Variants in GRIN2A observed in about 807,000 individuals in gnomAD.
GRIN2A encodes glutamate ionotropic receptor NMDA type subunit 2A.
GRIN2A carries 22 observed loss-of-function variants against 113.4 expected under a neutral mutation model. The ratio of observed to expected loss-of-function variants is 0.19; its 90% CI spans 0.14 to 0.28. GRIN2A has a LOEUF of 0.28. Ranked by LOEUF, GRIN2A falls within the 10% of genes least tolerant of loss-of-function variation. The pLI is 1.00. For missense variants in GRIN2A, 1,502 were observed against 1,887.0 expected (o/e 0.80, Z 3.78); for synonymous variants, 827 against 738.4 (o/e 1.12, Z -1.94).
intron 2 of GRIN2A, among the ~76,000 whole-genome samples, chr16:9,987,915 T>G (rs7188895): frequency 0.58 from 87,769 of 152,002 alleles, 25,788 homozygotes; most frequent in African/African-American, 0.65. Context: ...ACCCAGGAGA[T>G]AAATCCAAAG....
intron 2 of GRIN2A, among the ~76,000 whole-genome samples, chr16:10,023,961 G>C (rs887525081): frequency 6.6e-6 from 1 of 152,174 alleles, no homozygotes; most frequent in African/African-American, 2.4e-5. Context: ...CCCATAAACT[G>C]TCATTGTGCC....
Position 9,784,040 on chromosome 16 carries a change from G to A in GRIN2A, c.2356+14237C>T, listed in dbSNP as rs139180694. On this transcript the variant is annotated intron_variant, in intron 11 of 12. Coordinates refer to ENST00000330684, the MANE Select transcript of GRIN2A (RefSeq NM_001134407.3). Reference sequence around the variant, plus strand: ...TGGGTACTGGGCTTAATACCTGGGTGATGAAATAATCTGTACAACAAACCC... The same window carrying A: ...TGGGTACTGGGCTTAATACCTGGGTAATGAAATAATCTGTACAACAAACCC... Among the ~76,000 whole-genome samples the A allele has an allele frequency of 6.2e-3, 942 of 152,252 alleles. 4 individuals carry two copies. The highest frequency in any genetic ancestry group is 9.9e-3 in the Non-Finnish European group (672 of 68,014).
intron 11 of GRIN2A, among the ~76,000 whole-genome samples, chr16:9,777,387 C>T (rs1259065671): frequency 6.6e-6 from 1 of 152,104 alleles, no homozygotes; most frequent in East Asian, 1.9e-4. Flanking sequence ...AACTATTTGC[C>T]GAAGTGAAAA....
At chr16:10,135,740 T>C (rs1032902614) in intron 2 of GRIN2A, among the ~76,000 whole-genome samples, 4 of 152,110 alleles carry the variant, frequency 2.6e-5, no homozygotes, top group African/African-American at 9.7e-5. Context: ...TCTCCTCAGG[T>C]GGAATTTACT....
intron 3 of GRIN2A, among the ~76,000 whole-genome samples, chr16:9,928,815 A>C (rs571899512): frequency 6.6e-6 from 1 of 152,298 alleles, no homozygotes; most frequent in South Asian, 2.1e-4. Flanking sequence ...CCAAAGCCAA[A>C]ACTTGACTTG....
At chr16:9,853,940 G>T (rs888581415) in intron 4 of GRIN2A, among the ~76,000 whole-genome samples, 2 of 151,876 alleles carry the variant, frequency 1.3e-5, no homozygotes, top group Non-Finnish European at 2.9e-5. Context: ...AACATCATTT[G>T]CTTCACAATA....
intron 2 of GRIN2A, among the ~76,000 whole-genome samples, chr16:10,096,539 A>AAACACACACACACAC (rs367870878): frequency 7.3e-6 from 1 of 137,670 alleles, no homozygotes. Context: ...ATTGTGGTAA[A>AAACACACACACACAC]ACACACACAC....
intron 4 of GRIN2A, among the ~76,000 whole-genome samples, chr16:9,856,368 C>T (rs1244136173): frequency 6.6e-6 from 1 of 152,086 alleles, no homozygotes; most frequent in Non-Finnish European, 1.5e-5. Flanking sequence ...CGCCTGTAAT[C>T]CCAGCACTTT....
chr16:10,056,866 A>C (rs1402015947), intron 2 of GRIN2A, among the ~76,000 whole-genome samples: 2 of 152,196 alleles, frequency 1.3e-5, no homozygotes, highest in African/African-American at 4.8e-5. Context: ...ACTGTGATAT[A>C]ATAAATTCCT....
At chr16:9,896,094 G>C (rs536908731) in intron 3 of GRIN2A, among the ~76,000 whole-genome samples, 23 of 151,986 alleles carry the variant, frequency 1.5e-4, no homozygotes, top group African/African-American at 5.3e-4. Flanking sequence ...CTGCCACCCA[G>C]GATGGAGTGC....
At chr16:9,796,788 A>T (rs2141225542) in intron 11 of GRIN2A, among the ~76,000 whole-genome samples, 1 of 152,258 alleles carries the variant, frequency 6.6e-6, no homozygotes, top group East Asian at 1.9e-4. Context: ...GAGCTTCTCC[A>T]CTCAACCTGC....
intron 2 of GRIN2A, among the ~76,000 whole-genome samples, chr16:10,177,627 C>G (rs1353029330): frequency 2.6e-5 from 4 of 152,194 alleles, no homozygotes; most frequent in East Asian, 1.9e-4. Flanking sequence ...TCTCTTCTTA[C>G]TCTTAAGTGA....
At chr16:9,908,197 G>A (rs1482670079) in intron 3 of GRIN2A, among the ~76,000 whole-genome samples, 2 of 152,070 alleles carry the variant, frequency 1.3e-5, no homozygotes, top group African/African-American at 4.8e-5. Flanking sequence ...TGGATTTCTG[G>A]TGTGGAAATG....
intron 2 of GRIN2A, among the ~76,000 whole-genome samples, chr16:10,082,052 C>T (rs2047995477): frequency 6.6e-6 from 1 of 152,166 alleles, no homozygotes; most frequent in African/African-American, 2.4e-5. Context: ...AAATCAGCTC[C>T]AAGCAAATCC....
chr16:9,843,799 C>G (rs1369925905), intron 5 of GRIN2A, among the ~76,000 whole-genome samples: 1 of 152,186 alleles, frequency 6.6e-6, no homozygotes, highest in African/African-American at 2.4e-5. Flanking sequence ...GACCTCAACA[C>G]TGTACAGTCA....
chr16:9,768,259 A>G (rs1406271126), intron 12 of GRIN2A, among the ~76,000 whole-genome samples: 3 of 152,078 alleles, frequency 2.0e-5, no homozygotes, highest in Admixed American at 6.5e-5. Flanking sequence ...TCACCGTGTT[A>G]GCCAGGATGG....
chr16:10,021,761 G>T (rs2046728244), intron 2 of GRIN2A, among the ~76,000 whole-genome samples: 1 of 151,868 alleles, frequency 6.6e-6, no homozygotes, highest in Non-Finnish European at 1.5e-5. Context: ...GGGGAGACAG[G>T]GTCAGTGGGG....
intron 11 of GRIN2A, among the ~76,000 whole-genome samples, chr16:9,797,293 A>G (rs1411192756): frequency 2.0e-5 from 3 of 152,172 alleles, no homozygotes; most frequent in African/African-American, 7.2e-5. Context: ...TTTTGGTGTT[A>G]ACCTGCTATC....
At chr16:9,795,237 C>G (rs1902904103) in intron 11 of GRIN2A, among the ~76,000 whole-genome samples, 3 of 152,086 alleles carry the variant, frequency 2.0e-5, no homozygotes, top group African/African-American at 4.8e-5. Context: ...AGAGACAAAA[C>G]AGGTTGCAGT....
Sources: allele counts gnomAD v4.1 joint callset (sites outside exome capture counted in the v4.1 genomes callset), GRCh38; gene constraint gnomAD v4.1.1; transcripts MANE v1.5; gene names NCBI Gene and HGNC (gene_info 2026-07-23, HGNC 2026-07-21).